NPIPB2: variants seen among roughly 807,000 people sequenced by gnomAD.
NPIPB2 encodes the protein nuclear pore complex-interacting protein family member B2.
NPIPB2 carries 27 observed loss-of-function variants against 30.8 expected under a neutral mutation model. The observed-to-expected ratio is 0.88, with a 90% CI of 0.65 to 1.21. The LOEUF (loss-of-function observed/expected upper bound fraction) is 1.21. NPIPB2 is among the 50% of genes most tolerant of loss of function. The probability of loss-of-function intolerance (pLI) is 0.00; values close to 1 mark genes in which losing one functional copy is unlikely to be tolerated. For synonymous variants in NPIPB2, 147 were observed against 162.0 expected, an observed-to-expected ratio of 0.91 and a Z score of 0.70; for missense variants, 440 against 446.2, an observed-to-expected ratio of 0.99 and a Z score of 0.13.
intron 1 of NPIPB2, among the ~76,000 whole-genome samples, chr16:11,950,879 G>C (rs901726258): frequency 3.9e-5 from 6 of 152,000 alleles, no homozygotes; most frequent in Admixed American, 2.6e-4. Context: ...TAACTGAGAA[G>C]GTGCTGAGAA....
intron 1 of NPIPB2, among the ~76,000 whole-genome samples, chr16:11,959,594 A>G (rs976582273): frequency 6.6e-6 from 1 of 152,110 alleles, no homozygotes; most frequent in Non-Finnish European, 1.5e-5. Context: ...TCTCAAAAAA[A>G]AAAATCATAT....
Position 11,966,188 on chromosome 16 carries a change from C to T in NPIPB2, c.-584+10380G>A, listed in dbSNP as rs750080848. 5.6e-6 allele frequency: 9 copies of T among 1,606,572 alleles called. 1 individual carries two copies. The Admixed American group carries it at 1.5e-4, about 27-fold the overall frequency. ...CTCATTATCTGTCTGATGTTCTTTT[C>T]ATAAAGGTGTGACCAATTCAGTGAA... On this transcript the variant is annotated intron_variant, in intron 1 of 5. Transcript: ENST00000538896.
intron 1 of NPIPB2, among the ~76,000 whole-genome samples, chr16:11,952,183 A>AAAG (rs1280091316): frequency 6.9e-6 from 1 of 145,748 alleles, no homozygotes; most frequent in East Asian, 2.0e-4. Context: ...AACAAAAAAA[A>AAAG]AAACAAAGAA....
chr16:11,951,660 A>C (rs2055065738), intron 1 of NPIPB2, among the ~76,000 whole-genome samples: 1 of 146,136 alleles, frequency 6.8e-6, no homozygotes, highest in African/African-American at 2.6e-5. Context: ...ACACACACAC[A>C]CACACACCCA....
At chr16:11,957,033 C>T (rs765924118) in intron 1 of NPIPB2, among the ~76,000 whole-genome samples, 20 of 152,040 alleles carry the variant, frequency 1.3e-4, no homozygotes, top group South Asian at 6.2e-4. Flanking sequence ...ACTCTGTCAC[C>T]GAGGCTGGAG....
intron 1 of NPIPB2, among the ~76,000 whole-genome samples, chr16:11,956,886 GC>G (rs2055117028): frequency 6.6e-6 from 1 of 152,220 alleles, no homozygotes; most frequent in African/African-American, 2.4e-5. Flanking sequence ...CAGGTACCCT[GC>G]TGACCAGGCC....
intron 1 of NPIPB2, among the ~76,000 whole-genome samples, chr16:11,972,825 G>C (rs1032975289): frequency 2.0e-5 from 3 of 149,740 alleles, no homozygotes; most frequent in African/African-American, 7.4e-5. Context: ...GATCACGCCA[G>C]TGCATTCCAG....
rs11570134 is a variant in NPIPB2, at chr16:11,964,434, G to A, written c.-584+12134C>T. ...CCTGTAGAATTTTTTTTTTTTTTGA[G>A]ATAGAGTCTTGCTTTGTCACCCAGG... On this transcript the variant is annotated intron_variant, in intron 1 of 5. Coordinates refer to the NPIPB2 transcript ENST00000538896. 2.7e-5 allele frequency among the ~76,000 whole-genome samples: 4 copies of A among 149,504 alleles called. No individual in the cohort carries two copies. The South Asian group carries it at 6.3e-4, about 24-fold the overall frequency.
chr16:11,940,936 T>A (rs2054930648), intron 1 of NPIPB2, among the ~76,000 whole-genome samples: 1 of 148,740 alleles, frequency 6.7e-6, no homozygotes, highest in Admixed American at 6.8e-5. Context: ...GCCTCTCCAG[T>A]AACTGGGATA....
intron 1 of NPIPB2, among the ~76,000 whole-genome samples, chr16:11,940,983 G>A (rs2054931301): frequency 6.8e-6 from 1 of 146,538 alleles, no homozygotes. Context: ...AATCTTTTTT[G>A]GAATTTTTTG....
chr16:11,947,911 A>G (rs11647499), intron 1 of NPIPB2, among the ~76,000 whole-genome samples: 46,697 of 149,248 alleles, frequency 0.31, 9,046 homozygotes, highest in Non-Finnish European at 0.45. Context: ...GGTAGGGACC[A>G]TTACCTAATC....
chr16:11,949,857 T>C (rs530546873), intron 1 of NPIPB2, among the ~76,000 whole-genome samples: 65 of 152,242 alleles, frequency 4.3e-4, no homozygotes, highest in African/African-American at 1.5e-3. Context: ...GGTTGATGAA[T>C]GCGGCCTTTC....
intron 1 of NPIPB2, chr16:11,967,468 A>C: frequency 7.9e-7 from 1 of 1,262,920 alleles, no homozygotes; most frequent in Non-Finnish European, 1.1e-6. Flanking sequence ...AAATGAAAAA[A>C]TCTCTCTCAC....
intron 1 of NPIPB2, among the ~76,000 whole-genome samples, chr16:11,947,846 A>T (rs79587969): frequency 0.037 from 5,579 of 151,430 alleles, 358 homozygotes; most frequent in African/African-American, 0.13. Flanking sequence ...GGAAGGGAGC[A>T]GCTGGTCATG....
chr16:11,942,103 C>A (rs951162371), upstream of NPIPB2: 5 of 1,531,898 alleles, frequency 3.3e-6, no homozygotes, highest in Non-Finnish European at 4.4e-6. Flanking sequence ...ATGTAGCCAT[C>A]TGTCCATCAA....
intron 1 of NPIPB2, among the ~76,000 whole-genome samples, chr16:11,961,824 A>T (rs2055155087): frequency 1.3e-5 from 2 of 151,484 alleles, no homozygotes; most frequent in Non-Finnish European, 2.9e-5. Context: ...AATATGCTCT[A>T]TCTGCCTCCT....
chr16:11,932,601 C>T (rs1271287921), intron 4 of NPIPB2, among the ~76,000 whole-genome samples: 1 of 146,812 alleles, frequency 6.8e-6, no homozygotes, highest in African/African-American at 2.5e-5. Flanking sequence ...TATGGTGAAA[C>T]CCCGCCTCTA....
chr16:11,960,159 T>C (rs879855131), intron 1 of NPIPB2, among the ~76,000 whole-genome samples: 3 of 152,148 alleles, frequency 2.0e-5, no homozygotes, highest in Non-Finnish European at 2.9e-5. Context: ...TAGTCTTCCA[T>C]TGTGAGGCTC....
At chr16:11,933,086 C>T (rs1158972065) in intron 4 of NPIPB2, among the ~76,000 whole-genome samples, 1 of 151,334 alleles carries the variant, frequency 6.6e-6, no homozygotes, top group Non-Finnish European at 1.5e-5. Context: ...CATGGTGAAA[C>T]CCCATCTCTA....
Sources: gnomAD v4.1 joint callset for allele counts (sites outside exome capture counted in the v4.1 genomes callset) on GRCh38, gnomAD v4.1.1 for gene constraint, MANE v1.5 for transcripts, NCBI Gene and HGNC (gene_info 2026-07-23, HGNC 2026-07-21) for gene names.